Variants in TMEM205 observed in about 807,000 individuals in gnomAD.
TMEM205 encodes the protein MBC3205.
Under a neutral mutation model 17.9 loss-of-function variants are expected in TMEM205, and 11 were observed. That is an observed-to-expected ratio of 0.61 (90% confidence interval 0.39 to 1.02). The LOEUF (loss-of-function observed/expected upper bound fraction) is 1.02, where lower values mean the gene tolerates loss of function less well. Ranked by LOEUF, TMEM205 falls within the 50% of genes least tolerant of loss-of-function variation. The pLI is 0.01. For synonymous variants in TMEM205, 86 were observed against 97.4 expected, an observed-to-expected ratio of 0.88 and a Z score of 0.69; for missense variants, 236 against 239.4, an observed-to-expected ratio of 0.99 and a Z score of 0.09.
chr19:11,346,223 C>G lies in TMEM205; in HGVS notation c.-604G>C, dbSNP rs898032366. On this transcript the variant is annotated 5_prime_UTR_variant, in exon 1 of 3. Transcript: ENST00000354882. Reference sequence around the variant, plus strand: ...AATCTGGTACCTCACTCCCACGCCCCCGGGTGGACAGCGACCCTCCTCGGC... The same window carrying G: ...AATCTGGTACCTCACTCCCACGCCCGCGGGTGGACAGCGACCCTCCTCGGC... The G allele has an allele frequency of 9.5e-6, 3 of 316,068 alleles. No individual in the cohort carries two copies. Among genetic ancestry groups the G allele is most frequent in the African/African-American group, 6.8e-5 (3 of 44,022 alleles). The allele number at this position is 316,068 out of a possible 1,614,324, so 19.6% of individuals were successfully genotyped here. A position where few individuals can be genotyped will look rare whatever the true frequency, so the allele number is the denominator to read the frequency against.
At chr19:11,343,940 C>CTTTTTTTT (rs1160054893) in intron 2 of TMEM205, among the ~76,000 whole-genome samples, 1 of 124,626 alleles carries the variant, frequency 8.0e-6, no homozygotes, top group East Asian at 2.2e-4. Flanking sequence ...AGACCCTCAT[C>CTTTTTTTT]TTTTTTTTTT....
chr19:11,343,204 G>A, intron 2 of TMEM205, 84 bp from the exon 3 acceptor site: 1 of 1,281,174 alleles, frequency 7.8e-7, no homozygotes, highest in South Asian at 1.4e-5. Context: ...ATCCTCAACA[G>A]CACAGGGGTG....
In TMEM205 at chr19:11,345,721, C is replaced by T; in HGVS notation, c.-102G>A. ...AGCCCGCTCGGGGACAGGGTTACGG[C>T]CAATCCAGCAGAGATTCTGGCAAAG... On this transcript the variant is annotated 5_prime_UTR_variant, in exon 1 of 3. Transcript: ENST00000354882. 6.6e-7 allele frequency: 1 copy of T among 1,521,330 alleles called. No individual in the cohort carries two copies. Among genetic ancestry groups the T allele is most frequent in the South Asian group, 1.2e-5 (1 of 80,238 alleles). 94.2% of individuals were successfully genotyped at this position (1,521,330 alleles called of 1,614,324 possible).
At chr19:11,344,288 T>C (rs1328626694) in intron 2 of TMEM205, among the ~76,000 whole-genome samples, 2 of 152,058 alleles carry the variant, frequency 1.3e-5, no homozygotes, top group Non-Finnish European at 2.9e-5. Flanking sequence ...CTCACATTGC[T>C]ATAACACCAT....
intron 2 of TMEM205, 35 bp downstream of exon 2, chr19:11,345,217 G>A (rs762283134): frequency 1.9e-6 from 3 of 1,611,006 alleles, no homozygotes; most frequent in African/African-American, 1.3e-5. Flanking sequence ...CTGGGAACAA[G>A]TCTCCAGAGG....
chr19:11,342,841 G>A lies in TMEM205; in HGVS notation c.544C>T (p.Leu182Phe). ...VLSNGLCLAGLALEIRSL is the reference protein window; with the variant it reads ...VLSNGLCLAGFALEIRSL Reference sequence around the variant, plus strand: ...TAGAGGCTCCTTATTTCCAGGGCAAGGCCAGCGAGACAGAGCCCATTGCTC... The same window carrying A: ...TAGAGGCTCCTTATTTCCAGGGCAAAGCCAGCGAGACAGAGCCCATTGCTC... Residue 182 changes from leucine to phenylalanine, a missense_variant, in exon 3 of 3, where the codon CTT becomes TTT. Transcript: ENST00000354882. 6.2e-7 allele frequency: 1 copy of A among 1,614,132 alleles called. No homozygotes were observed. The highest frequency in any genetic ancestry group is 2.2e-5 in the East Asian group (1 of 44,878).
rs1599371593 is a variant in TMEM205 at position 11,345,696 on chromosome 19, A to G, written c.-77T>C. 4 of 1,583,322 alleles carry G rather than the reference A, an allele frequency of 2.5e-6. No individual in the cohort carries two copies. The East Asian group carries it at 9.1e-5, about 36-fold the overall frequency. On this transcript the variant is annotated 5_prime_UTR_variant, in exon 1 of 3. Transcript: ENST00000354882. The stretch of plus-strand genomic sequence containing the variant: ...TCATGCGTGGCCTTCAGACCCTGTG[A>G]GCCCGCTCGGGGACAGGGTTACGGC...
At chr19:11,343,935 C>T (rs552069231) in intron 2 of TMEM205, among the ~76,000 whole-genome samples, 35 of 150,196 alleles carry the variant, frequency 2.3e-4, no homozygotes, top group African/African-American at 8.2e-4. Flanking sequence ...AGCAAAGACC[C>T]TCATCTTTTT....
At chr19:11,346,403 GC>G, upstream of TMEM205, 1 of 636,060 alleles carries the variant, frequency 1.6e-6, no homozygotes, top group Admixed American at 3.2e-5. Flanking sequence ...CCCTCCACGG[GC>G]TTTTATCCAA....
chr19:11,345,133 GGC>G, intron 2 of TMEM205, 117 bp downstream of exon 2: 2 of 1,120,282 alleles, frequency 1.8e-6, no homozygotes, highest in Non-Finnish European at 2.5e-6. Flanking sequence ...TGGGATTACA[GGC>G]GTGAGCCACC....
chr19:11,345,965 T>A lies in TMEM205; in HGVS notation c.-346A>T. 1 of 282,114 alleles carries A rather than the reference T, an allele frequency of 3.5e-6. No homozygotes were observed. Among genetic ancestry groups the A allele is most frequent in the Non-Finnish European group, 6.8e-6 (1 of 146,194 alleles). 17.5% of individuals were successfully genotyped at this position (282,114 alleles called of 1,614,324 possible). A position where few individuals can be genotyped will look rare whatever the true frequency, so the allele number is the denominator to read the frequency against. On this transcript the variant is annotated 5_prime_UTR_variant, in exon 1 of 3. Transcript: ENST00000354882. ...TAATTCCCAAATATCACCCCAGGGA[T>A]CCAGTTCTGACAGCCAAGACCACTC... is the stretch of plus-strand genomic sequence containing the variant.
Position 11,342,956 on chromosome 19 carries a change from C to G in TMEM205, c.429G>C (p.Leu143=). 6.2e-7 allele frequency: 1 copy of G among 1,614,192 alleles called. No individual in the cohort carries two copies. The highest frequency in any genetic ancestry group is 1.1e-5 in the South Asian group (1 of 91,084). ...SHQGPDPYRQ[L]REKDPKYSAL... is the part of the protein sequence containing the mutation. ...CACTGTACTTGGGGTCCTTCTCTCG[C>G]AGCTGGCGGTAGGGATCGGGACCCT... is the stretch of plus-strand genomic sequence containing the variant. Residue 143 remains leucine, a synonymous_variant, in exon 3 of 3, where the codon CTG becomes CTC. Transcript: ENST00000354882.
chr19:11,345,780 C>G lies in TMEM205; in HGVS notation c.-161G>C. 1.5e-6 allele frequency: 2 copies of G among 1,376,784 alleles called. No individual in the cohort carries two copies. Among genetic ancestry groups the G allele is most frequent in the East Asian group, 2.6e-5 (1 of 38,652 alleles). The allele number at this position is 1,376,784 out of a possible 1,614,324, so 85.3% of individuals were successfully genotyped here. ...GAATGAGAGTGAGAAAGGCCCAAAG[C>G]AGTCAAGGCCCAAAGACAACCCTCG... On this transcript the variant is annotated 5_prime_UTR_variant, in exon 1 of 3. Coordinates refer to ENST00000354882, the MANE Select transcript of TMEM205 (RefSeq NM_198536.3).
Position 11,345,624 on chromosome 19 carries a change from C to T in TMEM205, c.-5G>A, listed in dbSNP as rs1233615685. 1 of 1,613,836 alleles carries T rather than the reference C, an allele frequency of 6.2e-7. No individual in the cohort carries two copies. ...TAGGTTCCCGCCTTCCTCCATCTTG[C>T]AGTCCTGGGAAGGAGGCACCGGGTG... On this transcript the variant is annotated 5_prime_UTR_variant, in exon 1 of 3. Transcript: ENST00000354882.
rs1195994990 is a variant in TMEM205, at chr19:11,346,038, G to C, written c.-419C>G. ...ATTAGGTGAAGATCCCGAAAGCCCC[G>C]AGGAAACCCTAAATCTCATCCTGAG... On this transcript the variant is annotated 5_prime_UTR_variant, in exon 1 of 3. Transcript: ENST00000354882. 4.4e-6 allele frequency: 1 copy of C among 226,604 alleles called. No individual in the cohort carries two copies. The highest frequency in any genetic ancestry group is 8.9e-6 in the Non-Finnish European group (1 of 112,782). The allele number at this position is 226,604 out of a possible 1,614,324, so 14.0% of individuals were successfully genotyped here.
At chr19:11,343,184 G>T in intron 2 of TMEM205, 64 bp from the exon 3 acceptor site, 268 of 1,171,932 alleles carry the variant, frequency 2.3e-4, no homozygotes, top group Middle Eastern at 3.0e-4. Context: ...CCTAGGGAGG[G>T]TCTTTCTGCA....
At chr19:11,344,807 T>C (rs2147979071) in intron 2 of TMEM205, 1 of 174,226 alleles carries the variant, frequency 5.7e-6, no homozygotes, top group Non-Finnish European at 1.2e-5. Flanking sequence ...TCCCCTCCCC[T>C]CCCTTCCTCT....
At position 11,346,053 on chromosome 19, in the gene TMEM205, C is replaced by G. The variant is rs529096575; in HGVS notation, c.-434G>C. 4.2e-6 allele frequency: 1 copy of G among 236,686 alleles called. No homozygotes were observed. The highest frequency in any genetic ancestry group is 5.4e-5 in the Admixed American group (1 of 18,530). The allele number at this position is 236,686 out of a possible 1,614,324, so 14.7% of individuals were successfully genotyped here. On this transcript the variant is annotated 5_prime_UTR_variant, in exon 1 of 3. Transcript: ENST00000354882. ...CGAAAGCCCCGAGGAAACCCTAAATCTCATCCTGAGGACACCGATCCCACC... is the reference window on the plus strand; with the variant it reads ...CGAAAGCCCCGAGGAAACCCTAAATGTCATCCTGAGGACACCGATCCCACC...
Position 11,345,616 on chromosome 19 carries a change from C to T in TMEM205, c.4G>A (p.Glu2Lys), listed in dbSNP as rs891606082. 8.1e-6 allele frequency: 13 copies of T among 1,613,796 alleles called. No individual in the cohort carries two copies. The African/African-American group carries it at 1.7e-4, about 22-fold the overall frequency. M[E>K]EGGNLGGLIK... ...AGGCCTCCTAGGTTCCCGCCTTCCTCCATCTTGCAGTCCTGGGAAGGAGGC... is the reference window on the plus strand; with the variant it reads ...AGGCCTCCTAGGTTCCCGCCTTCCTTCATCTTGCAGTCCTGGGAAGGAGGC... The change falls in exon 1 of 3, where the codon GAG becomes AAG. Residue 2 changes from glutamate to lysine, a missense_variant. Coordinates refer to ENST00000354882, the MANE Select transcript of TMEM205 (RefSeq NM_198536.3).
Sources: gnomAD v4.1 joint callset for allele counts (sites outside exome capture counted in the v4.1 genomes callset) on GRCh38, gnomAD v4.1.1 for gene constraint, MANE v1.5 for transcripts, NCBI Gene and HGNC (gene_info 2026-07-23, HGNC 2026-07-21) for gene names.